The following MTSS2 variants were observed in gnomAD, a reference collection of about 807,000 sequenced individuals.
MTSS2 encodes the protein MTSS I-BAR domain containing 2, also known as protein MTSS 2.
A neutral mutation model predicts 67.1 loss-of-function variants in MTSS2; 27 were observed. That is an observed-to-expected ratio of 0.40 (90% CI 0.30 to 0.55). The LOEUF is 0.55. Among genes scored for constraint, MTSS2 ranks in the 20% least tolerant of loss-of-function variants. MTSS2 has a pLI of 0.43. For synonymous variants in MTSS2, 624 were observed against 468.6 expected, an observed-to-expected ratio of 1.33 and a Z score of -4.28; for missense variants, 1,171 against 1,067.8, an observed-to-expected ratio of 1.10 and a Z score of -1.35.
chr16:70,670,803 A>T (rs545343821), intron 11 of MTSS2, among the ~76,000 whole-genome samples: 1 of 151,940 alleles, frequency 6.6e-6, no homozygotes, highest in East Asian at 1.9e-4. Context: ...CATCTCTATA[A>T]AAGAAAAAAT....
Position 70,679,707 on chromosome 16 carries a change from G to A in MTSS2, c.383-3C>T, listed in dbSNP as rs751348378. On this transcript the variant is annotated splice_polypyrimidine_tract_variant and splice_region_variant and intron_variant, in intron 5 of 14. Coordinates refer to ENST00000338779, the MANE Select transcript of MTSS2 (RefSeq NM_138383.3). ...CTCATGCCGGGCTCGTTTGTACTCT[G>A]CAGAAGGGGAGAGCGGAGCGCTCTA... 11 of 1,611,166 alleles carry A rather than the reference G, an allele frequency of 6.8e-6. No homozygotes were observed. The African/African-American group carries it at 1.3e-4, about 20-fold the overall frequency.
Position 70,663,524 on chromosome 16 carries a change from G to A in MTSS2, c.*153C>T, listed in dbSNP as rs990510729. ...GAAGTCACTTCCTGTTTAAATGCTG[G>A]AATCCAAGTGAGGTGTCTTTCCATA... On this transcript the variant is annotated 3_prime_UTR_variant, in exon 15 of 15. Coordinates refer to ENST00000338779, the MANE Select transcript of MTSS2 (RefSeq NM_138383.3). The A allele has an allele frequency of 7.4e-7, 1 of 1,347,168 alleles. No individual in the cohort carries two copies. 83.5% of individuals were successfully genotyped at this position (1,347,168 alleles called of 1,614,324 possible).
intron 11 of MTSS2, among the ~76,000 whole-genome samples, chr16:70,673,559 T>TAAAAGATGTTTTTTACTTCA (rs2053011823): frequency 6.6e-6 from 1 of 152,204 alleles, no homozygotes; most frequent in Non-Finnish European, 1.5e-5. Context: ...AAAGAACTTC[T>TAAAAGATGTTTTTTACTTCA]AAAAGATGTT....
chr16:70,679,465 TG>T, intron 6 of MTSS2, 142 bp from the exon 7 acceptor site: 3 of 1,260,324 alleles, frequency 2.4e-6, no homozygotes, highest in Non-Finnish European at 2.2e-6. Flanking sequence ...GGACCAGGTT[TG>T]GGGGGAAGGG....
At chr16:70,668,497 G>A (rs2052804853) in intron 11 of MTSS2, among the ~76,000 whole-genome samples, 1 of 152,108 alleles carries the variant, frequency 6.6e-6, no homozygotes, top group African/African-American at 2.4e-5. Flanking sequence ...TCAACAAGTA[G>A]GACAGAGTGC....
chr16:70,679,932 G>GGCCCCCCC, intron 4 of MTSS2, 39 bp downstream of exon 4: 3 of 709,044 alleles, frequency 4.2e-6, no homozygotes, highest in Non-Finnish European at 6.7e-6. Flanking sequence ...GCGACGCCCC[G>GGCCCCCCC]TCCCCCCGCC....
At position 70,661,324 on chromosome 16, in the gene MTSS2, T is replaced by G. The variant is rs1218621784; in HGVS notation, c.*2353A>C. ...GAGGGGGCGGGGAGGAGAGGAGAAT[T>G]TTTCCAAAATCTGACGGAAAGAAAA... On this transcript the variant is annotated 3_prime_UTR_variant, in exon 15 of 15. Transcript: ENST00000338779. The G allele has an allele frequency of 4.5e-6, 2 of 447,854 alleles. No individual in the cohort carries two copies. The highest frequency in any genetic ancestry group is 3.1e-5 in the South Asian group (2 of 64,112). The allele number at this position is 447,854 out of a possible 1,614,324, so 27.7% of individuals were successfully genotyped here. A position where few individuals can be genotyped will look rare whatever the true frequency, so the allele number is the denominator to read the frequency against.
In MTSS2 at chr16:70,664,221, G is replaced by A. The variant is rs1414882018; in HGVS notation, c.1700C>T (p.Thr567Ile). Residue 567 changes from threonine to isoleucine, a missense_variant, in exon 15 of 15, where the codon ACA (threonine) becomes ATA (isoleucine). Around this residue, in one of 2 missense-constraint regions of MTSS2, gnomAD observed 924 missense variants for 756.0 expected, o/e 1.22. Transcript: ENST00000338779. ...APPGVATIRRTPSTKPTVRRA... is the reference protein window; with the variant it reads ...APPGVATIRRIPSTKPTVRRA... Reference sequence around the variant, plus strand: ...GCGCACGGTGGGCTTGGTGGAGGGTGTGCGGCGGATGGTGGCCACGCCGGG... The same window carrying A: ...GCGCACGGTGGGCTTGGTGGAGGGTATGCGGCGGATGGTGGCCACGCCGGG... 1.3e-6 allele frequency: 2 copies of A among 1,581,804 alleles called. No individual in the cohort carries two copies. Among genetic ancestry groups the A allele is most frequent in the Admixed American group, 1.7e-5 (1 of 57,676 alleles).
At chr16:70,681,839 G>A (rs1393956173) in intron 1 of MTSS2, among the ~76,000 whole-genome samples, 12 of 152,236 alleles carry the variant, frequency 7.9e-5, no homozygotes, top group African/African-American at 1.9e-4. Flanking sequence ...TCTGGTTAAC[G>A]CATGCCCCGG....
chr16:70,672,341 CAAA>C (rs11297993), intron 11 of MTSS2, among the ~76,000 whole-genome samples: 444 of 80,860 alleles, frequency 5.5e-3, no homozygotes, highest in Non-Finnish European at 7.4e-3. Flanking sequence ...GAGCAAAATT[CAAA>C]AAAAAAAAAA....
In MTSS2 at chr16:70,664,445, G is replaced by C; in HGVS notation, c.1476C>G (p.Ser492=). 1 of 1,535,140 alleles carries C rather than the reference G, an allele frequency of 6.5e-7. No individual in the cohort carries two copies. Among genetic ancestry groups the C allele is most frequent in the Non-Finnish European group, 8.8e-7 (1 of 1,142,130 alleles). Residue 492 remains serine, a synonymous_variant, in exon 15 of 15, where the codon TCC becomes TCG. Coordinates refer to ENST00000338779, the MANE Select transcript of MTSS2 (RefSeq NM_138383.3). ...CATTCACGGAGTAGCAGTCGTAGTC[G>C]GAGCCTGGGGGCACGGGACACAGTG... is the stretch of plus-strand genomic sequence containing the variant. The part of the protein sequence containing the change: ...CSEDTIPSQG[S]DYDCYSVNGD...
chr16:70,666,524 G>C (rs1048547381), intron 11 of MTSS2, among the ~76,000 whole-genome samples: 1 of 152,236 alleles, frequency 6.6e-6, no homozygotes, highest in African/African-American at 2.4e-5. Context: ...TCACGGTGAG[G>C]TGTTGGCCTG....
At chr16:70,682,547 G>T (rs1466800253) in intron 1 of MTSS2, among the ~76,000 whole-genome samples, 1 of 151,966 alleles carries the variant, frequency 6.6e-6, no homozygotes, top group Non-Finnish European at 1.5e-5. Context: ...GAGATTAAAG[G>T]CTCTCCCCAT....
chr16:70,678,403 C>G lies in MTSS2; in HGVS notation c.473G>C (p.Gly158Ala). The G allele has an allele frequency of 3.7e-6, 6 of 1,610,114 alleles. No individual in the cohort carries two copies. The highest frequency in any genetic ancestry group is 4.2e-6 in the Non-Finnish European group (5 of 1,178,614). ...ACTGTCCAGCTGGGGCTGCAGGTCT[C>G]CTTTCCCTGGAGGGGTGGGGAGGAG... ...KKARKELLGK[G>A]DLQPQLDSAL... Residue 158 changes from glycine (G) to alanine (A), a missense_variant, in exon 8 of 15, where the codon GGA becomes GCA. Physicochemically the swap from Gly to Ala is moderately conservative, Grantham distance 60 (BLOSUM62 0). Coordinates refer to ENST00000338779, the MANE Select transcript of MTSS2 (RefSeq NM_138383.3).
rs1312162435 is a variant in MTSS2, at chr16:70,664,165, T to G, written c.1756A>C (p.Ile586Leu). Residue 586 changes from isoleucine to leucine, a missense_variant, in exon 15 of 15, where the codon ATC becomes CTC. Transcript: ENST00000338779. ...RALSSAGPIP[I>L]RPPIVPVKTP... Reference sequence around the variant, plus strand: ...TTCACAGGGACGATGGGCGGCCGGATGGGGATGGGGCCAGCGCTGGACAGG... The same window carrying G: ...TTCACAGGGACGATGGGCGGCCGGAGGGGGATGGGGCCAGCGCTGGACAGG... The G allele has an allele frequency of 6.2e-7, 1 of 1,606,126 alleles. No individual in the cohort carries two copies. Among genetic ancestry groups the G allele is most frequent in the East Asian group, 2.2e-5 (1 of 44,814 alleles).
At chr16:70,683,781 T>G (rs1246090100) in intron 1 of MTSS2, among the ~76,000 whole-genome samples, 1 of 152,170 alleles carries the variant, frequency 6.6e-6, no homozygotes, top group Non-Finnish European at 1.5e-5. Context: ...CCGCCCTTCC[T>G]CTACGGAGGC....
rs1288783232 is a variant in MTSS2 at position 70,677,819 on chromosome 16, G to A, written c.705C>T (p.Pro235=). ...IDDLVVLTAE[P]HKLPPASEQV... ...GCTCGCTGGCGGGAGGCAGTTTGTG[G>A]GGTTCTGCTGTCAGCACCACCAAGT... is the stretch of plus-strand genomic sequence containing the variant. The change falls in exon 9 of 15, where the codon CCC becomes CCT. Residue 235 remains proline (P), a synonymous_variant. Transcript: ENST00000338779. 2 of 1,611,564 alleles carry A rather than the reference G, an allele frequency of 1.2e-6. No homozygotes were observed. The highest frequency in any genetic ancestry group is 1.1e-5 in the South Asian group (1 of 90,174).
At chr16:70,685,287 T>G (rs1359376451) in intron 1 of MTSS2, among the ~76,000 whole-genome samples, 1 of 152,066 alleles carries the variant, frequency 6.6e-6, no homozygotes, top group Non-Finnish European at 1.5e-5. Flanking sequence ...GGTTCTCCGC[T>G]TTATTATTTT....
rs752361857 is a variant in MTSS2 at position 70,680,915 on chromosome 16, G to GGT, written c.131+48_132-48insAC. 4.0e-6 allele frequency: 5 copies of GGT among 1,248,456 alleles called. No individual in the cohort carries two copies. In the South Asian group the frequency reaches 5.0e-5, roughly 13 times the overall value. The allele number at this position is 1,248,456 out of a possible 1,614,324, so 77.3% of individuals were successfully genotyped here. A position where few individuals can be genotyped will look rare whatever the true frequency, so the allele number is the denominator to read the frequency against. ...GGATGGTCGGTGGTTGGGCGGGGGG[G>GGT]GGGCCTCTGCCTGCCCCTCCCCTGC... On this transcript the variant is annotated intron_variant, in intron 2 of 14. Transcript: ENST00000338779.
Sources: allele counts gnomAD v4.1 joint callset (sites outside exome capture counted in the v4.1 genomes callset), GRCh38; gene constraint gnomAD v4.1.1; regional missense constraint gnomAD v4.1.1; transcripts MANE v1.5; gene names NCBI Gene and HGNC (gene_info 2026-07-23, HGNC 2026-07-21).